DPP10: variants seen among roughly 807,000 people sequenced by gnomAD.
DPP10 encodes the protein dipeptidyl peptidase like 10.
Under a neutral mutation model 120.9 loss-of-function variants are expected in DPP10, and 33 were observed. The observed-to-expected ratio is 0.27, with a 90% confidence interval of 0.21 to 0.37. The LOEUF (loss-of-function observed/expected upper bound fraction) is 0.37. DPP10 is among the 10% of genes least tolerant of loss of function. The probability of loss-of-function intolerance (pLI) is 1.00; values close to 1 mark genes in which losing one functional copy is unlikely to be tolerated. For missense variants in DPP10, 816 were observed against 942.8 expected (o/e 0.87, Z 1.76); for synonymous variants, 337 against 326.1 (o/e 1.03, Z -0.36).
intron 1 of DPP10, among the ~76,000 whole-genome samples, chr2:114,726,819 A>G (rs1676358949): frequency 6.6e-6 from 1 of 152,234 alleles, no homozygotes; most frequent in South Asian, 2.1e-4. Flanking sequence ...TCCTGGGAAT[A>G]TTTCATAGAA....
intron 1 of DPP10, among the ~76,000 whole-genome samples, chr2:114,464,569 A>C (rs1679193591): frequency 6.6e-6 from 1 of 152,192 alleles, no homozygotes; most frequent in African/African-American, 2.4e-5. Context: ...TTTTCTTAAC[A>C]GTGTCCTTCA....
intron 1 of DPP10, among the ~76,000 whole-genome samples, chr2:115,189,397 A>G (rs2105214146): frequency 6.6e-6 from 1 of 152,310 alleles, no homozygotes; most frequent in South Asian, 2.1e-4. Context: ...AGGTCAAAGC[A>G]GGTGACCAGG....
chr2:115,061,229 A>G (rs536721762), intron 1 of DPP10, among the ~76,000 whole-genome samples: 1 of 152,344 alleles, frequency 6.6e-6, no homozygotes, highest in East Asian at 1.9e-4. Flanking sequence ...CACTTGTTTA[A>G]GAAGTGTCTG....
At chr2:114,933,328 A>T (rs908172150) in intron 1 of DPP10, among the ~76,000 whole-genome samples, 3 of 152,202 alleles carry the variant, frequency 2.0e-5, no homozygotes, top group Non-Finnish European at 4.4e-5. Flanking sequence ...ACATCAGCCA[A>T]GATATGCATG....
intron 4 of DPP10, among the ~76,000 whole-genome samples, chr2:115,507,633 G>T (rs2077016529): frequency 1.3e-5 from 2 of 152,144 alleles, no homozygotes; most frequent in Non-Finnish European, 2.9e-5. Context: ...AATGGTACAA[G>T]ATGAACTCAA....
chr2:115,656,133 A>AACACACACACACACACACAC (rs146572509), intron 5 of DPP10, among the ~76,000 whole-genome samples: 1 of 143,228 alleles, frequency 7.0e-6, no homozygotes, highest in African/African-American at 2.6e-5. Flanking sequence ...GTTCTTACCA[A>AACACACACACACACACACAC]ACACACACAC....
chr2:114,465,823 A>G (rs893105705), intron 1 of DPP10, among the ~76,000 whole-genome samples: 4 of 152,172 alleles, frequency 2.6e-5, no homozygotes, highest in Admixed American at 1.3e-4. Flanking sequence ...CACTTCAAAC[A>G]TTTGCCATTT....
At chr2:114,458,602 G>T (rs1383160957) in intron 1 of DPP10, among the ~76,000 whole-genome samples, 1 of 152,082 alleles carries the variant, frequency 6.6e-6, no homozygotes, top group Non-Finnish European at 1.5e-5. Context: ...ATTCCAGCTT[G>T]CCGCTTTTAG....
chr2:114,964,780 GA>G (rs1435450612), intron 1 of DPP10, among the ~76,000 whole-genome samples: 2 of 152,176 alleles, frequency 1.3e-5, no homozygotes, highest in African/African-American at 4.8e-5. Context: ...CAGTGTGGGA[GA>G]AACAGGACAT....
intron 3 of DPP10, among the ~76,000 whole-genome samples, chr2:115,417,687 G>T (rs541170259): frequency 6.6e-6 from 1 of 152,138 alleles, no homozygotes; most frequent in Non-Finnish European, 1.5e-5. Context: ...TAGATAGCCT[G>T]GTTCCAGGTG....
chr2:114,667,140 T>C (rs1392631218), intron 1 of DPP10, among the ~76,000 whole-genome samples: 5 of 152,216 alleles, frequency 3.3e-5, no homozygotes, highest in African/African-American at 4.8e-5. Flanking sequence ...TTTGGTTCAA[T>C]GGCCTCAATT....
At chr2:115,460,097 AG>A (rs1254016066) in intron 3 of DPP10, among the ~76,000 whole-genome samples, 1 of 152,048 alleles carries the variant, frequency 6.6e-6, no homozygotes, top group Non-Finnish European at 1.5e-5. Context: ...CTGTAGAATT[AG>A]TAACCATAGT....
chr2:115,552,068 T>C (rs2079909361), intron 5 of DPP10, among the ~76,000 whole-genome samples: 2 of 152,200 alleles, frequency 1.3e-5, no homozygotes, highest in Admixed American at 6.6e-5. Flanking sequence ...AAAGAGTAGA[T>C]TGAATTAAAC....
chr2:115,286,210 G>A (rs1322165336), intron 1 of DPP10, among the ~76,000 whole-genome samples: 2 of 151,268 alleles, frequency 1.3e-5, no homozygotes, highest in East Asian at 3.9e-4. Context: ...CACAGCAATG[G>A]TTTTTAATAA....
At chr2:115,824,276 G>A (rs1688091280) in intron 21 of DPP10, among the ~76,000 whole-genome samples, 1 of 152,116 alleles carries the variant, frequency 6.6e-6, no homozygotes, top group Admixed American at 6.6e-5. Context: ...TTTGGCGATG[G>A]CTGTGAGGCA....
intron 5 of DPP10, among the ~76,000 whole-genome samples, chr2:115,647,776 C>T (rs1057003124): frequency 2.6e-5 from 4 of 152,120 alleles, no homozygotes; most frequent in Non-Finnish European, 5.9e-5. Flanking sequence ...GGGCAAGCCT[C>T]CCTAACACTG....
chr2:115,133,145 GTATATATATA>G lies in DPP10; in HGVS notation c.61-176071_61-176062del, dbSNP rs1246180843. On this transcript the variant is annotated intron_variant, in intron 1 of 25. Transcript: ENST00000410059. ...TGTGTGTGTGTGTGTGTGTGTGTGTGTATATATATATATATATATATATATATATATAGTT... is the reference window on the plus strand; with the variant it reads ...TGTGTGTGTGTGTGTGTGTGTGTGTGTATATATATATATATATATATAGTT... Among the ~76,000 whole-genome samples, 71 of 28,768 alleles carry G rather than the reference GTATATATATA, an allele frequency of 2.5e-3. 1 individual carries two copies. Among genetic ancestry groups the G allele is most frequent in the Middle Eastern group, 0.045 (1 of 22 alleles). The allele number at this position is 28,768 out of a possible 152,430, so 18.9% of individuals were successfully genotyped here.
At chr2:115,074,545 G>T (rs1387359785) in intron 1 of DPP10, among the ~76,000 whole-genome samples, 1 of 152,194 alleles carries the variant, frequency 6.6e-6, no homozygotes, top group Non-Finnish European at 1.5e-5. Context: ...CAAGTTTCCT[G>T]ACTCTATAGA....
At chr2:115,416,663 G>A (rs1157478922) in intron 3 of DPP10, among the ~76,000 whole-genome samples, 1 of 152,038 alleles carries the variant, frequency 6.6e-6, no homozygotes, top group East Asian at 1.9e-4. Flanking sequence ...TCCATTAATC[G>A]ATTAATTAAA....
Sources: allele counts gnomAD v4.1 joint callset (sites outside exome capture counted in the v4.1 genomes callset), GRCh38; gene constraint gnomAD v4.1.1; transcripts MANE v1.5; gene names NCBI Gene and HGNC (gene_info 2026-07-23, HGNC 2026-07-21).